Variants in CAST observed in about 807,000 individuals in gnomAD.
The protein encoded by CAST is calpastatin, also known as MIR583 host.
Under a neutral mutation model 119.6 loss-of-function variants are expected in CAST, and 76 were observed. The ratio of observed to expected loss-of-function variants is 0.64; its 90% CI spans 0.53 to 0.77. The LOEUF is 0.77. Among genes scored for constraint, CAST ranks in the 30% least tolerant of loss-of-function variants. The pLI is 0.00. For synonymous variants in CAST, 319 were observed against 331.6 expected (o/e 0.96, Z 0.41); for missense variants, 953 against 946.5 (o/e 1.01, Z -0.09).
At chr5:96,072,623 A>G in the CAST span, among the ~76,000 whole-genome samples, 1 of 152,214 alleles carries the variant, frequency 6.6e-6, no homozygotes, top group East Asian at 1.9e-4. Context: ...GAGATCAGCA[A>G]TATCCCTGGC....
chr5:96,050,001 GA>G, the CAST span: 1 of 151,662 alleles, frequency 6.6e-6, no homozygotes, highest in Non-Finnish European at 1.5e-5. Context: ...GACAAGAGAG[GA>G]GAAAATTGTT....
the CAST span, among the ~76,000 whole-genome samples, chr5:96,518,811 A>G: frequency 6.6e-6 from 1 of 152,102 alleles, no homozygotes; most frequent in Non-Finnish European, 1.5e-5. Flanking sequence ...TCAGGAGTTC[A>G]AGATCAGCCT....
chr5:96,391,867 AG>A, the CAST span: 1 of 152,244 alleles, frequency 6.6e-6, no homozygotes. Context: ...GGGACAATTA[AG>A]GTCCATGGCC....
chr5:96,165,319 G>T, the CAST span, among the ~76,000 whole-genome samples: 2 of 152,128 alleles, frequency 1.3e-5, no homozygotes, highest in Non-Finnish European at 2.9e-5. Flanking sequence ...GGATATATGT[G>T]TGCAGAGGGG....
the CAST span, among the ~76,000 whole-genome samples, chr5:96,298,794 G>T: frequency 6.6e-5 from 10 of 151,942 alleles, no homozygotes; most frequent in African/African-American, 2.4e-4. Context: ...TGAATAAGGG[G>T]TCCACATATT....
the CAST span, among the ~76,000 whole-genome samples, chr5:96,294,303 A>C: frequency 6.6e-6 from 1 of 152,228 alleles, no homozygotes; most frequent in African/African-American, 2.4e-5. Flanking sequence ...AATATGTGGA[A>C]GAAAACTGAC....
intron 20 of CAST, among the ~76,000 whole-genome samples, chr5:96,752,203 C>G (rs780131915): frequency 6.6e-6 from 1 of 152,174 alleles, no homozygotes; most frequent in Non-Finnish European, 1.5e-5. Context: ...ATATCAAATA[C>G]TACAGAAATA....
the CAST span, among the ~76,000 whole-genome samples, chr5:96,091,532 G>A: frequency 1.7e-5 from 2 of 118,660 alleles, no homozygotes; most frequent in Admixed American, 8.5e-5. Context: ...TTGAGATAGG[G>A]TCTTACTCTG....
the CAST span, among the ~76,000 whole-genome samples, chr5:96,257,791 G>A: frequency 1.2e-4 from 18 of 152,148 alleles, no homozygotes; most frequent in East Asian, 1.9e-3. Flanking sequence ...ACAGTTCTCC[G>A]AGGGCTTACT....
intron 1 of CAST, chr5:96,545,390 A>T (rs1417692559): frequency 1.3e-5 from 2 of 152,226 alleles, no homozygotes; most frequent in Admixed American, 1.3e-4. Flanking sequence ...AAGCAATGAT[A>T]TGGGGAATGC....
chr5:96,046,318 G>A, the CAST span, among the ~76,000 whole-genome samples: 1 of 152,096 alleles, frequency 6.6e-6, no homozygotes, highest in Admixed American at 6.5e-5. Flanking sequence ...GAAAGAAATA[G>A]AACAAGGGAG....
the CAST span, among the ~76,000 whole-genome samples, chr5:96,310,796 A>G: frequency 2.8e-5 from 4 of 145,406 alleles, no homozygotes; most frequent in Non-Finnish European, 4.5e-5. Flanking sequence ...GGTTTTGTTT[A>G]TTTGAATCTT....
the CAST span, among the ~76,000 whole-genome samples, chr5:96,128,311 G>A: frequency 3.9e-5 from 6 of 152,128 alleles, no homozygotes; most frequent in Non-Finnish European, 5.9e-5. Context: ...GAACGGGAGC[G>A]TTTATTTTGG....
At chr5:96,165,715 T>C in the CAST span, among the ~76,000 whole-genome samples, 1 of 152,244 alleles carries the variant, frequency 6.6e-6, no homozygotes, top group Admixed American at 6.5e-5. Flanking sequence ...ATGAAAGTGT[T>C]CTGACATGAA....
chr5:96,342,813 C>T, the CAST span, among the ~76,000 whole-genome samples: 65 of 152,252 alleles, frequency 4.3e-4, no homozygotes, highest in African/African-American at 8.2e-4. Flanking sequence ...ATGCCACAAA[C>T]GCCCTGAGCC....
the CAST span, among the ~76,000 whole-genome samples, chr5:95,976,560 T>C: frequency 6.6e-6 from 1 of 152,170 alleles, no homozygotes; most frequent in Non-Finnish European, 1.5e-5. Flanking sequence ...ATCTTCCAGA[T>C]ATGGAAAGTA....
chr5:96,292,289 A>G, the CAST span, among the ~76,000 whole-genome samples: 2 of 152,244 alleles, frequency 1.3e-5, no homozygotes, highest in African/African-American at 4.8e-5. Flanking sequence ...GAAAACCCGT[A>G]ACATCCATCC....
At chr5:96,225,762 CACATAATTG>C in the CAST span, among the ~76,000 whole-genome samples, 1 of 152,104 alleles carries the variant, frequency 6.6e-6, no homozygotes, top group East Asian at 1.9e-4. Flanking sequence ...CAAAGATAGA[CACATAATTG>C]ATAAACATTG....
chr5:96,537,061 C>T (rs951938356), intron 1 of CAST, among the ~76,000 whole-genome samples: 1 of 152,194 alleles, frequency 6.6e-6, no homozygotes, highest in African/African-American at 2.4e-5. Flanking sequence ...ACAAATACGA[C>T]TAAAATATGG....
Sources: allele counts gnomAD v4.1 joint callset (sites outside exome capture counted in the v4.1 genomes callset), GRCh38; gene constraint gnomAD v4.1.1; transcripts MANE v1.5; gene names NCBI Gene and HGNC (gene_info 2026-07-23, HGNC 2026-07-21).